C3orf20: variants seen among roughly 807,000 people sequenced by gnomAD.
C3orf20 encodes the protein family with sequence similarity 149 member C, also known as uncharacterized protein C3orf20.
Under a neutral mutation model 88.3 loss-of-function variants are expected in C3orf20, and 76 were observed. The ratio of observed to expected loss-of-function variants is 0.86; its 90% CI spans 0.72 to 1.04. C3orf20 has a LOEUF of 1.04. Among genes scored for constraint, C3orf20 ranks in the 50% least tolerant of loss-of-function variants. The pLI, the probability that C3orf20 is intolerant of heterozygous loss-of-function variation, is 0.00. For synonymous variants in C3orf20, 436 were observed against 437.4 expected (o/e 1.00, Z 0.04); for missense variants, 1,056 against 1,123.3 (o/e 0.94, Z 0.86).
chr3:14,704,023 C>T (rs1205998882), intron 6 of C3orf20, among the ~76,000 whole-genome samples: 4 of 152,164 alleles, frequency 2.6e-5, no homozygotes, highest in African/African-American at 9.7e-5. Flanking sequence ...CCCACAACCT[C>T]AGGACTGGGG....
chr3:14,707,445 TTGTGTGTGTGTGTGTGTGTGTGTG>T (rs36047273), intron 7 of C3orf20, among the ~76,000 whole-genome samples: 3 of 136,374 alleles, frequency 2.2e-5, no homozygotes, highest in Admixed American at 7.4e-5. Flanking sequence ...GCATCTTTTC[TTGTGTGTGTGTGTGTGTGTGTGTG>T]TGTGTGTGTG....
intron 7 of C3orf20, among the ~76,000 whole-genome samples, chr3:14,713,154 T>C (rs2033814227): frequency 6.6e-6 from 1 of 152,206 alleles, no homozygotes; most frequent in African/African-American, 2.4e-5. Flanking sequence ...TTTATCCTAC[T>C]TGGAGTTTGC....
chr3:14,723,902 T>G (rs536801622), intron 10 of C3orf20, among the ~76,000 whole-genome samples: 38 of 152,250 alleles, frequency 2.5e-4, no homozygotes, highest in African/African-American at 8.7e-4. Context: ...CTTGGCTCAC[T>G]GCAGCCTCCG....
chr3:14,759,077 GA>G (rs2035479132), intron 13 of C3orf20, among the ~76,000 whole-genome samples: 1 of 152,342 alleles, frequency 6.6e-6, no homozygotes, highest in East Asian at 1.9e-4. Context: ...TGTGAGTGAG[GA>G]CAGGGCGTGG....
At chr3:14,690,804 G>C (rs186155544) in intron 5 of C3orf20, among the ~76,000 whole-genome samples, 1 of 152,344 alleles carries the variant, frequency 6.6e-6, no homozygotes, top group East Asian at 1.9e-4. Flanking sequence ...AGGGTAGGTA[G>C]GAGAGGACCA....
At chr3:14,717,130 C>T (rs1252102650) in intron 9 of C3orf20, among the ~76,000 whole-genome samples, 2 of 152,150 alleles carry the variant, frequency 1.3e-5, no homozygotes, top group East Asian at 1.9e-4. Context: ...TGCAACTTTG[C>T]GAAAACCTTT....
intron 9 of C3orf20, among the ~76,000 whole-genome samples, chr3:14,718,819 T>A (rs933017286): frequency 1.3e-5 from 2 of 152,236 alleles, no homozygotes; most frequent in East Asian, 3.8e-4. Flanking sequence ...TCTTGAGTCT[T>A]CCCTGCTCAA....
Position 14,701,161 on chromosome 3 carries a change from GT to G in C3orf20, c.746-1967del, listed in dbSNP as rs1317178670. On this transcript the variant is annotated intron_variant, in intron 5 of 16. Coordinates refer to ENST00000253697, the MANE Select transcript of C3orf20 (RefSeq NM_032137.5). The surrounding 1 kb of genome is among the most constrained non-coding windows in gnomAD (Gnocchi z 4.6). ...CTCAGGCCCTAGGCTTGAGTTCAGG[GT>G]TCAGTCTCTGGTCCCTGTTGGCAGG... Among the ~76,000 whole-genome samples the G allele has an allele frequency of 1.3e-5, 2 of 152,180 alleles. No homozygotes were observed. The highest frequency in any genetic ancestry group is 2.9e-5 in the Non-Finnish European group (2 of 68,024).
intron 1 of C3orf20, among the ~76,000 whole-genome samples, chr3:14,678,132 G>T (rs1278629971): frequency 6.6e-6 from 1 of 152,162 alleles, no homozygotes; most frequent in Non-Finnish European, 1.5e-5. Flanking sequence ...CAAGAGCTGT[G>T]CCCATCGCCT....
Position 14,728,451 on chromosome 3 carries a change from T to C in C3orf20, c.1703T>C (p.Ile568Thr), listed in dbSNP as rs1020184621. Residue 568 changes from isoleucine (I) to threonine (T), a missense_variant, in exon 12 of 17, where the codon ATT (isoleucine) becomes ACT (threonine). Ile to Thr is a moderately conservative substitution (Grantham distance 89). Transcript: ENST00000253697. The part of the protein sequence containing the change: ...SILLAAGLFT[I>T]EYPTKKEEEE... ...CTTCTGTTAACAGGTCTGTTTACCA[T>C]TGAATATCCCACCAAAAAGGAGGAG... 3.7e-6 allele frequency: 6 copies of C among 1,614,038 alleles called. No individual in the cohort carries two copies. In the African/African-American group the frequency reaches 5.3e-5, roughly 14 times the overall value.
intron 15 of C3orf20, among the ~76,000 whole-genome samples, chr3:14,764,498 A>ATTGTTGTTGTTG (rs1332638785): frequency 6.7e-6 from 1 of 149,384 alleles, no homozygotes; most frequent in Admixed American, 6.6e-5. Flanking sequence ...TATTATTATT[A>ATTGTTGTTGTTG]TTATTATTAT....
intron 12 of C3orf20, among the ~76,000 whole-genome samples, chr3:14,730,269 C>T (rs1039174909): frequency 3.3e-5 from 5 of 152,086 alleles, no homozygotes; most frequent in Non-Finnish European, 4.4e-5. Flanking sequence ...GATTTTAGGC[C>T]GGGTGCGGTG....
chr3:14,719,818 T>C (rs2034082720), intron 9 of C3orf20, among the ~76,000 whole-genome samples: 1 of 152,188 alleles, frequency 6.6e-6, no homozygotes, highest in Non-Finnish European at 1.5e-5. Context: ...TTTTTACTTT[T>C]ACCTTACTTT....
chr3:14,743,606 T>C (rs2034978404), intron 12 of C3orf20, among the ~76,000 whole-genome samples: 1 of 152,032 alleles, frequency 6.6e-6, no homozygotes, highest in African/African-American at 2.4e-5. Context: ...ATTTCCCTTC[T>C]GCACTGCCCT....
In C3orf20 at chr3:14,685,489, C is replaced by CGTGTGT. The variant is rs1216087893; in HGVS notation, c.625+1110_625+1111insTGTGTG. 5.7e-4 allele frequency among the ~76,000 whole-genome samples: 72 copies of CGTGTGT among 126,606 alleles called. 1 individual carries two copies. Among genetic ancestry groups the CGTGTGT allele is most frequent in the African/African-American group, 1.6e-3 (51 of 31,166 alleles). 83.1% of individuals were successfully genotyped at this position (126,606 alleles called of 152,430 possible). A position where few individuals can be genotyped will look rare whatever the true frequency, so the allele number is the denominator to read the frequency against. On this transcript the variant is annotated intron_variant, in intron 4 of 16. Coordinates refer to ENST00000253697, the MANE Select transcript of C3orf20 (RefSeq NM_032137.5). Reference sequence around the variant, plus strand: ...CTCTCTCTCTCTCTCTCTGTGCGTGCGTGCGTGTGTGTGTGTGTGTGTATG... The same window carrying CGTGTGT: ...CTCTCTCTCTCTCTCTCTGTGCGTGCGTGTGTGTGCGTGTGTGTGTGTGTGTGTATG...
At chr3:14,757,872 G>C (rs758009974) in intron 13 of C3orf20, among the ~76,000 whole-genome samples, 198 bp downstream of exon 13, 6 of 152,258 alleles carry the variant, frequency 3.9e-5, no homozygotes, top group African/African-American at 1.4e-4. Flanking sequence ...TGTCCTTCCC[G>C]CTCATCCTCT....
chr3:14,688,400 CA>C (rs1294280379), intron 4 of C3orf20, among the ~76,000 whole-genome samples: 1 of 151,768 alleles, frequency 6.6e-6, no homozygotes, highest in Non-Finnish European at 1.5e-5. Context: ...GCCGTGATGG[CA>C]CACATCTGTA....
In C3orf20 at chr3:14,728,143, ATT is replaced by A. The variant is rs2124987681; in HGVS notation, c.1691-294_1691-293del. Among the ~76,000 whole-genome samples, 4 of 152,350 alleles carry A rather than the reference ATT, an allele frequency of 2.6e-5. No homozygotes were observed. In the East Asian group the frequency reaches 5.8e-4, roughly 22 times the overall value. ...AATGCATTGTGTAGCTAGCCTCTACATTTGGTGCTGGCGAGGACACAGGCTGA... is the reference window on the plus strand; with the variant it reads ...AATGCATTGTGTAGCTAGCCTCTACATGGTGCTGGCGAGGACACAGGCTGA... On this transcript the variant is annotated intron_variant, in intron 11 of 16. Coordinates refer to ENST00000253697, the MANE Select transcript of C3orf20 (RefSeq NM_032137.5).
chr3:14,743,864 C>T (rs2034985488), intron 12 of C3orf20, among the ~76,000 whole-genome samples: 1 of 152,016 alleles, frequency 6.6e-6, no homozygotes, highest in African/African-American at 2.4e-5. Context: ...GGGCACCAAG[C>T]CCCTAAGCTG....
Sources: allele counts gnomAD v4.1 joint callset (sites outside exome capture counted in the v4.1 genomes callset), GRCh38; gene constraint gnomAD v4.1.1; non-coding constraint Gnocchi (gnomAD v3.1); transcripts MANE v1.5; gene names NCBI Gene and HGNC (gene_info 2026-07-23, HGNC 2026-07-21).